Variants in MIPOL1 observed in about 807,000 individuals in gnomAD.
The protein encoded by MIPOL1 is mirror-image polydactyly 1.
MIPOL1 carries 57 observed loss-of-function variants against 60.9 expected under a neutral mutation model. The observed-to-expected ratio is 0.94, with a 90% CI of 0.76 to 1.17. MIPOL1 has a LOEUF of 1.17. Among genes scored for constraint, MIPOL1 ranks in the 50% most tolerant of loss-of-function variants. The pLI, the probability that MIPOL1 is intolerant of heterozygous loss-of-function variation, is 0.00. For missense variants in MIPOL1, 551 were observed against 511.6 expected, an observed-to-expected ratio of 1.08 and a Z score of -0.74; for synonymous variants, 179 against 168.8, an observed-to-expected ratio of 1.06 and a Z score of -0.47.
intron 9 of MIPOL1, among the ~76,000 whole-genome samples, chr14:37,313,010 G>A (rs532543700): frequency 9.9e-5 from 15 of 152,216 alleles, no homozygotes; most frequent in Non-Finnish European, 2.1e-4. Context: ...GACCTTAGGA[G>A]CCATCTAGTT....
At chr14:37,340,862 T>C in intron 9 of MIPOL1, among the ~76,000 whole-genome samples, 1 of 152,154 alleles carries the variant, frequency 6.6e-6, no homozygotes, top group South Asian at 2.1e-4. Flanking sequence ...CCAGAGTAAC[T>C]TCCAGTGCTA....
At chr14:37,410,891 A>G (rs1452035472) in intron 10 of MIPOL1, among the ~76,000 whole-genome samples, 1 of 152,140 alleles carries the variant, frequency 6.6e-6, no homozygotes, top group African/African-American at 2.4e-5. Flanking sequence ...AAAAGTTAGC[A>G]TATTTTTTTA....
chr14:37,402,116 A>G (rs756332486), intron 10 of MIPOL1, among the ~76,000 whole-genome samples: 2 of 152,114 alleles, frequency 1.3e-5, no homozygotes, highest in Admixed American at 6.6e-5. Context: ...ATTCATAGGG[A>G]TATGCATGCT....
chr14:37,311,976 A>T (rs1288365803), intron 9 of MIPOL1, among the ~76,000 whole-genome samples: 1 of 152,002 alleles, frequency 6.6e-6, no homozygotes, highest in East Asian at 1.9e-4. Context: ...TAACCTCAAT[A>T]ATTTTGAAGA....
At chr14:37,269,570 C>G (rs2083135716) in intron 5 of MIPOL1, among the ~76,000 whole-genome samples, 1 of 152,024 alleles carries the variant, frequency 6.6e-6, no homozygotes, top group Admixed American at 6.6e-5. Flanking sequence ...TCTGTACTTT[C>G]ATTTAGCAGT....
chr14:37,218,948 A>C (rs567409806), intron 1 of MIPOL1, among the ~76,000 whole-genome samples: 71 of 151,780 alleles, frequency 4.7e-4, no homozygotes, highest in Non-Finnish European at 8.4e-4. Flanking sequence ...AAAAAGAAAA[A>C]AGAAAACCAG....
chr14:37,321,639 G>T (rs1023625932), intron 9 of MIPOL1, among the ~76,000 whole-genome samples: 1 of 151,914 alleles, frequency 6.6e-6, no homozygotes, highest in Non-Finnish European at 1.5e-5. Context: ...TAGATGTATT[G>T]TTCGTATGTT....
At chr14:37,296,418 T>C (rs534464132) in intron 7 of MIPOL1, among the ~76,000 whole-genome samples, 1,574 of 152,086 alleles carry the variant, frequency 0.01, 17 homozygotes, top group Non-Finnish European at 0.011. Flanking sequence ...AGCAAACACA[T>C]TCAAAAGCTA....
chr14:37,531,767 T>C (rs1042397810), intron 12 of MIPOL1, among the ~76,000 whole-genome samples: 2 of 152,212 alleles, frequency 1.3e-5, no homozygotes, highest in Non-Finnish European at 1.5e-5. Flanking sequence ...CAGATGAGAA[T>C]TGTTCTACTA....
chr14:37,433,855 C>A (rs1290515404), intron 11 of MIPOL1, among the ~76,000 whole-genome samples: 1 of 152,134 alleles, frequency 6.6e-6, no homozygotes, highest in African/African-American at 2.4e-5. Flanking sequence ...CGCACCCGAC[C>A]CTGAACTCAC....
chr14:37,476,293 T>G (rs2094772582), intron 11 of MIPOL1, among the ~76,000 whole-genome samples: 1 of 152,292 alleles, frequency 6.6e-6, no homozygotes, highest in African/African-American at 2.4e-5. Context: ...TATTTGTTTG[T>G]TTGGTTGGTT....
At chr14:37,453,294 A>C (rs2094442628) in intron 11 of MIPOL1, among the ~76,000 whole-genome samples, 1 of 152,146 alleles carries the variant, frequency 6.6e-6, no homozygotes, top group African/African-American at 2.4e-5. Context: ...AATGGTTTTA[A>C]AAGTGAAACA....
chr14:37,498,459 G>T (rs2095166267), intron 11 of MIPOL1, among the ~76,000 whole-genome samples: 1 of 151,956 alleles, frequency 6.6e-6, no homozygotes, highest in Admixed American at 6.6e-5. Context: ...GTGAGCTGAA[G>T]AAAATTGGAA....
At chr14:37,394,268 A>G (rs2093329119) in intron 10 of MIPOL1, among the ~76,000 whole-genome samples, 1 of 151,438 alleles carries the variant, frequency 6.6e-6, no homozygotes, top group Non-Finnish European at 1.5e-5. Context: ...TTTTCTCTGC[A>G]TAGATACCCA....
intron 10 of MIPOL1, among the ~76,000 whole-genome samples, chr14:37,403,148 T>C (rs1310676000): frequency 1.3e-5 from 2 of 152,140 alleles, no homozygotes; most frequent in Non-Finnish European, 1.5e-5. Context: ...AATTGAGAAA[T>C]CACAGAATAA....
At chr14:37,309,221 A>T (rs894284040) in intron 9 of MIPOL1, among the ~76,000 whole-genome samples, 2 of 151,026 alleles carry the variant, frequency 1.3e-5, no homozygotes, top group Non-Finnish European at 3.0e-5. Context: ...TCCTCCCTCG[A>T]CCTCCCAAAG....
intron 9 of MIPOL1, among the ~76,000 whole-genome samples, chr14:37,364,584 A>T (rs1468084603): frequency 6.6e-6 from 1 of 151,956 alleles, no homozygotes; most frequent in Non-Finnish European, 1.5e-5. Flanking sequence ...CCATTGGTCT[A>T]TGTGTTTTTA....
At chr14:37,279,061 A>G (rs1406358689) in intron 6 of MIPOL1, among the ~76,000 whole-genome samples, 3 of 151,482 alleles carry the variant, frequency 2.0e-5, no homozygotes, top group African/African-American at 4.8e-5. Context: ...TAAACACCCA[A>G]TGATTTGTTT....
At chr14:37,361,284 TA>T in intron 9 of MIPOL1, among the ~76,000 whole-genome samples, 1 of 152,318 alleles carries the variant, frequency 6.6e-6, no homozygotes, top group East Asian at 1.9e-4. Context: ...CTGAGAAGAA[TA>T]TGTATTCTGT....
Sources: allele counts gnomAD v4.1 joint callset (sites outside exome capture counted in the v4.1 genomes callset), GRCh38; gene constraint gnomAD v4.1.1; transcripts MANE v1.5; gene names NCBI Gene and HGNC (gene_info 2026-07-23, HGNC 2026-07-21).